RBL1: variants seen among roughly 807,000 people sequenced by gnomAD.
The protein encoded by RBL1 is retinoblastoma-like protein 1.
In RBL1, 82 loss-of-function variants were observed where a neutral mutation model predicts 123.0. That is an observed-to-expected ratio of 0.67 (90% confidence interval 0.56 to 0.80). The LOEUF is 0.80. Among genes scored for constraint, RBL1 ranks in the 30% least tolerant of loss-of-function variants. The pLI is 0.00. For missense variants in RBL1, 1,171 were observed against 1,299.6 expected (o/e 0.90, Z 1.52); for synonymous variants, 405 against 441.3 (o/e 0.92, Z 1.03).
At chr20:37,058,103 C>T (rs1289553321) in intron 9 of RBL1, among the ~76,000 whole-genome samples, 2 of 126,002 alleles carry the variant, frequency 1.6e-5, no homozygotes, top group East Asian at 2.9e-4. Context: ...GCAACAAGGG[C>T]GAAACTCTGT....
chr20:37,043,254 T>C (rs1052891100), intron 13 of RBL1, among the ~76,000 whole-genome samples: 2 of 151,774 alleles, frequency 1.3e-5, no homozygotes, highest in Admixed American at 1.3e-4. Flanking sequence ...TTTGGGAGGC[T>C]GAGGCAGGTG....
chr20:37,007,701 TCC>T, intron 19 of RBL1, 142 bp from the exon 20 acceptor site: 1 of 753,764 alleles, frequency 1.3e-6, no homozygotes. Context: ...CAAGTGATCC[TCC>T]CATCTCAGCC....
intron 19 of RBL1, among the ~76,000 whole-genome samples, chr20:37,014,059 G>A (rs1235484075): frequency 6.7e-6 from 1 of 150,358 alleles, no homozygotes; most frequent in Non-Finnish European, 1.5e-5. Context: ...TTGTCTGACT[G>A]TATATCCTCC....
chr20:37,044,417 A>AC (rs2064784322), intron 12 of RBL1, among the ~76,000 whole-genome samples, 167 bp from the exon 13 acceptor site: 2 of 152,006 alleles, frequency 1.3e-5, no homozygotes, highest in Non-Finnish European at 2.9e-5. Context: ...GGCTCACTGC[A>AC]ACCTCTGCCT....
intron 17 of RBL1, 144 bp from the exon 18 acceptor site, chr20:37,020,874 C>G (rs2064331022): frequency 1.8e-6 from 1 of 569,280 alleles, no homozygotes; most frequent in South Asian, 2.4e-5. Flanking sequence ...AAACCACTAA[C>G]ATTTATGATT....
chr20:37,036,076 TC>T (rs1402889990), intron 14 of RBL1, among the ~76,000 whole-genome samples: 1 of 152,186 alleles, frequency 6.6e-6, no homozygotes, highest in Non-Finnish European at 1.5e-5. Context: ...ACTGTGTTGA[TC>T]AAAAATAAAG....
intron 2 of RBL1, among the ~76,000 whole-genome samples, chr20:37,069,475 C>T (rs1407011675): frequency 1.3e-5 from 2 of 150,906 alleles, no homozygotes; most frequent in African/African-American, 2.4e-5. Flanking sequence ...ATGTGGGGAG[C>T]GCCTCTGCCC....
In RBL1 at chr20:36,998,928, C is replaced by G; in HGVS notation, c.3038G>C (p.Ser1013Thr). 2 of 1,610,436 alleles carry G rather than the reference C, an allele frequency of 1.2e-6. No homozygotes were observed. Among genetic ancestry groups the G allele is most frequent in the Non-Finnish European group, 1.7e-6 (2 of 1,178,510 alleles). The part of the protein sequence containing the change: ...LYKFNGSPSK[S>T]LKDINNMIRQ... ...TATCATGTTGTTGATATCTTTCAAA[C>G]TCTGTGCAGAAATAGAGAACGTGTG... The change falls in exon 22 of 22, where the codon AGT becomes ACT. Residue 1013 changes from serine to threonine, a missense_variant and splice_region_variant. Transcript: ENST00000373664.
At chr20:37,018,396 C>G in intron 18 of RBL1, 27 bp from the exon 19 acceptor site, 1 of 1,585,184 alleles carries the variant, frequency 6.3e-7, no homozygotes, top group African/African-American at 1.4e-5. Context: ...AAGAAAAGGA[C>G]AGCTCAGTCA....
intron 11 of RBL1, among the ~76,000 whole-genome samples, chr20:37,054,336 T>A (rs1031712111): frequency 6.6e-6 from 1 of 151,066 alleles, no homozygotes; most frequent in Non-Finnish European, 1.5e-5. Context: ...TACGAAAAAA[T>A]TAGCTGGGTG....
At chr20:37,072,193 G>T (rs908743602) in intron 2 of RBL1, among the ~76,000 whole-genome samples, 2 of 152,172 alleles carry the variant, frequency 1.3e-5, no homozygotes, top group Non-Finnish European at 2.9e-5. Flanking sequence ...TTTTGGCCGG[G>T]TGCAGTGGCT....
intron 18 of RBL1, 48 bp from the exon 19 acceptor site, chr20:37,018,417 G>C: frequency 6.5e-7 from 1 of 1,542,476 alleles, no homozygotes; most frequent in African/African-American, 1.4e-5. Flanking sequence ...CAGAGGTACA[G>C]GTTAAACAAA....
chr20:37,092,943 C>T (rs1234669988), intron 1 of RBL1, among the ~76,000 whole-genome samples: 2 of 151,952 alleles, frequency 1.3e-5, no homozygotes, highest in Admixed American at 1.3e-4. Context: ...ACTTGCCAGG[C>T]CTTAGAAATA....
At chr20:37,072,450 T>C (rs1342539486) in intron 2 of RBL1, among the ~76,000 whole-genome samples, 1 of 151,934 alleles carries the variant, frequency 6.6e-6, no homozygotes, top group Non-Finnish European at 1.5e-5. Flanking sequence ...TGCGGTGAGC[T>C]GAGATCGCAC....
chr20:37,085,119 T>TTTCTTTTCTTTTC (rs376037443), intron 2 of RBL1, among the ~76,000 whole-genome samples: 4,405 of 150,034 alleles, frequency 0.029, 99 homozygotes, highest in Middle Eastern at 0.055. Context: ...AGGAGACGTT[T>TTTCTTTTCTTTTC]TTCTTTTCTT....
intron 21 of RBL1, among the ~76,000 whole-genome samples, chr20:37,001,033 C>G (rs1225692278): frequency 2.2e-5 from 3 of 137,814 alleles, no homozygotes; most frequent in African/African-American, 5.5e-5. Flanking sequence ...TGGGGGGGGT[C>G]AGCCCCCCAC....
At chr20:37,020,419 T>C (rs2064323401) in intron 18 of RBL1, among the ~76,000 whole-genome samples, 1 of 152,042 alleles carries the variant, frequency 6.6e-6, no homozygotes, top group African/African-American at 2.4e-5. Context: ...AATGAACAAA[T>C]GGAATGGCAG....
intron 19 of RBL1, among the ~76,000 whole-genome samples, chr20:37,016,203 T>C (rs1334762413): frequency 6.6e-6 from 1 of 151,536 alleles, no homozygotes; most frequent in Non-Finnish European, 1.5e-5. Context: ...AATTTTTGTA[T>C]TTTTAGTAGA....
intron 21 of RBL1, among the ~76,000 whole-genome samples, chr20:36,999,707 C>G (rs28693476): frequency 6.8e-6 from 1 of 147,206 alleles, no homozygotes; most frequent in Non-Finnish European, 1.5e-5. Flanking sequence ...TTGGCCGGGC[C>G]GGTCTCCAGC....
Sources: allele counts gnomAD v4.1 joint callset (sites outside exome capture counted in the v4.1 genomes callset), GRCh38; gene constraint gnomAD v4.1.1; transcripts MANE v1.5; gene names NCBI Gene and HGNC (gene_info 2026-07-23, HGNC 2026-07-21).